Variants in TESK1 observed in about 807,000 individuals in gnomAD.
TESK1 encodes the protein dual specificity testis-specific protein kinase 1.
TESK1 carries 18 observed loss-of-function variants against 59.9 expected under a neutral mutation model. The observed-to-expected ratio is 0.30, with a 90% CI of 0.21 to 0.45. The LOEUF is 0.45. TESK1 is among the 20% of genes least tolerant of loss of function. The pLI, the probability that TESK1 is intolerant of heterozygous loss-of-function variation, is 1.00. For missense variants in TESK1, 748 were observed against 840.9 expected (o/e 0.89, Z 1.37); for synonymous variants, 341 against 357.4 (o/e 0.95, Z 0.52).
At position 35,605,858 on chromosome 9, in the gene TESK1, C is replaced by T. The variant is rs1459045940; in HGVS notation, c.219+20C>T. 2 of 1,608,420 alleles carry T rather than the reference C, an allele frequency of 1.2e-6. No homozygotes were observed. Among genetic ancestry groups the T allele is most frequent in the Non-Finnish European group, 1.7e-6 (2 of 1,177,428 alleles). ...TACAAGGTAGGACCGGCCGAGAGGG[C>T]AGAGGGGCGGGACCGAGCCTTCAAC... On this transcript the variant is annotated intron_variant, in intron 1 of 9. Coordinates refer to ENST00000336395, the MANE Select transcript of TESK1 (RefSeq NM_006285.3).
At position 35,607,023 on chromosome 9, in the gene TESK1, G is replaced by A. The variant is rs745781325; in HGVS notation, c.537+40G>A. 10 of 1,531,114 alleles carry A rather than the reference G, an allele frequency of 6.5e-6. No homozygotes were observed. The Admixed American group carries it at 2.1e-4, about 32-fold the overall frequency. The allele number at this position is 1,531,114 out of a possible 1,614,324, so 94.8% of individuals were successfully genotyped here. ...TGGGTGGAGACATGAAAGAGGGTTT[G>A]AGGCTATTAGGTTGTAACTGGCCTG... On this transcript the variant is annotated intron_variant, in intron 4 of 9. Transcript: ENST00000336395. This position sits in a 1 kb window ranked among gnomAD's most constrained non-coding sequence, Gnocchi z 4.5.
chr9:35,606,126 G>T (rs1563891076), intron 2 of TESK1, 21 bp downstream of exon 2: 1 of 1,614,088 alleles, frequency 6.2e-7, no homozygotes, highest in East Asian at 2.2e-5. Flanking sequence ...CCAGTCTCTG[G>T]GCAGCTTGCT....
chr9:35,609,729 G>C lies in TESK1; in HGVS notation c.1868G>C (p.Gly623Ala), dbSNP rs759848808. The change falls in exon 10 of 10, where the codon GGG becomes GCG. Residue 623 changes from glycine (G) to alanine (A), a missense_variant. Gly to Ala is a moderately conservative substitution (Grantham distance 60). Around this residue, in one of 3 missense-constraint regions of TESK1, gnomAD observed 447 missense variants for 466.1 expected, o/e 0.96. Coordinates refer to ENST00000336395, the MANE Select transcript of TESK1 (RefSeq NM_006285.3). The surrounding 1 kb of genome is among the most constrained non-coding windows in gnomAD (Gnocchi z 6.7). ...KPPTPSLQLP[G>A]ARS ...CCCACACCCAGCCTGCAGCTGCCTG[G>C]GGCACGCTCTTAGCAGTGGAGCCCG... The C allele has an allele frequency of 1.9e-6, 3 of 1,594,486 alleles. No homozygotes were observed. Among genetic ancestry groups the C allele is most frequent in the Non-Finnish European group, 8.5e-7 (1 of 1,176,930 alleles).
In TESK1 at chr9:35,607,585, G is replaced by A. The variant is rs1298297486; in HGVS notation, c.624G>A (p.Glu208=). 3 of 1,611,404 alleles carry A rather than the reference G, an allele frequency of 1.9e-6. No individual in the cohort carries two copies. The East Asian group carries it at 6.7e-5, about 36-fold the overall frequency. ...GLAEKIPVYR[E]GARKEPLAVV... is the part of the protein sequence containing the mutation. ...CACTCTGCCCCTGCCCCTGCAGGGA[G>A]GGGGCAAGGAAGGAGCCATTGGCCG... The change falls in exon 6 of 10, where the codon GAG becomes GAA. Residue 208 remains glutamate (E), a synonymous_variant. Transcript: ENST00000336395. The surrounding 1 kb of genome is among the most constrained non-coding windows in gnomAD (Gnocchi z 4.5).
At position 35,606,837 on chromosome 9, in the gene TESK1, T is replaced by C. The variant is rs1394737505; in HGVS notation, c.391T>C (p.Tyr131His). ...TTCCCATTCTCCTCCTATGCACCAG[T>C]ATATGAATGGGGGGACATTGGAACA... ...HQGQLHALTE[Y>H]MNGGTLEQLL... The change falls in exon 4 of 10, where the codon TAT becomes CAT. Residue 131 changes from tyrosine to histidine, a missense_variant and splice_region_variant. This residue lies in a region of TESK1 where 168 missense variants were observed against 257.4 expected (regional missense o/e 0.65). Coordinates refer to ENST00000336395, the MANE Select transcript of TESK1 (RefSeq NM_006285.3). The C allele has an allele frequency of 1.2e-6, 2 of 1,602,514 alleles. No individual in the cohort carries two copies. Among genetic ancestry groups the C allele is most frequent in the African/African-American group, 2.7e-5 (2 of 74,300 alleles).
rs1587894149 is a variant in TESK1 at position 35,605,306 on chromosome 9, C to T, written c.-314C>T. The T allele has an allele frequency of 1.3e-5, 2 of 148,206 alleles. No homozygotes were observed. The highest frequency in any genetic ancestry group is 1.8e-4 in the South Asian group (1 of 5,534). 9.2% of individuals were successfully genotyped at this position (148,206 alleles called of 1,614,324 possible). ...CTAAGCGGAGCAGCCGCCGCCCGCC[C>T]GCCCGCCCGCCTCCGCCCGCGGCAA... On this transcript the variant is annotated 5_prime_UTR_variant, in exon 1 of 10. Coordinates refer to ENST00000336395, the MANE Select transcript of TESK1 (RefSeq NM_006285.3).
chr9:35,608,433 C>G lies in TESK1; in HGVS notation c.924C>G (p.Thr308=), dbSNP rs762955311. ...PSTRAPFTEI[T]QHLEWILEQL... ...CCCGTGCCCCCTTCACCGAAATTAC[C>G]CAGCACCTGGAATGGATCCTGGAGC... Residue 308 remains threonine (T), a synonymous_variant, in exon 9 of 10, where the codon ACC becomes ACG. Transcript: ENST00000336395. The G allele has an allele frequency of 1.2e-6, 2 of 1,613,986 alleles. No homozygotes were observed. The highest frequency in any genetic ancestry group is 2.7e-5 in the African/African-American group (2 of 74,888).
intron 9 of TESK1, 100 bp from the exon 10 acceptor site, chr9:35,608,762 T>C (rs2131747295): frequency 7.0e-7 from 1 of 1,419,542 alleles, no homozygotes; most frequent in Non-Finnish European, 9.5e-7. Flanking sequence ...GACTCCCTTT[T>C]TCAAGCTCTA....
At position 35,609,401 on chromosome 9, in the gene TESK1, C is replaced by A; in HGVS notation, c.1540C>A (p.Leu514Ile). The change falls in exon 10 of 10, where the codon CTC (leucine) becomes ATC (isoleucine). Residue 514 changes from leucine to isoleucine, a missense_variant. Leu to Ile is a conservative substitution (Grantham distance 5). Coordinates refer to ENST00000336395, the MANE Select transcript of TESK1 (RefSeq NM_006285.3). The surrounding 1 kb of genome is among the most constrained non-coding windows in gnomAD (Gnocchi z 6.7). Reference protein sequence around the residue: ...QPWSPRSGPVLNNNPPAVVVN... With the variant: ...QPWSPRSGPVINNNPPAVVVN... Reference sequence around the variant, plus strand: ...CTGGTCCCCTAGATCAGGACCCGTCCTCAATAACAATCCCCCAGCTGTGGT... The same window carrying A: ...CTGGTCCCCTAGATCAGGACCCGTCATCAATAACAATCCCCCAGCTGTGGT... 6.2e-7 allele frequency: 1 copy of A among 1,609,206 alleles called. No homozygotes were observed. The highest frequency in any genetic ancestry group is 8.5e-7 in the Non-Finnish European group (1 of 1,177,468).
Position 35,606,305 on chromosome 9 carries a change from G to C in TESK1, c.390+20G>C. ...ACAGAGGTGAGGATAGGCCAGGAAG[G>C]AGGGATCCCCACCCCCCTTCACCCC... On this transcript the variant is annotated intron_variant, in intron 3 of 9. Transcript: ENST00000336395. 1 of 1,613,420 alleles carries C rather than the reference G, an allele frequency of 6.2e-7. No homozygotes were observed. The highest frequency in any genetic ancestry group is 8.5e-7 in the Non-Finnish European group (1 of 1,180,002).
At chr9:35,608,047 G>A (rs1587896180) in intron 7 of TESK1, 36 bp downstream of exon 7, 1 of 1,612,538 alleles carries the variant, frequency 6.2e-7, no homozygotes, top group Non-Finnish European at 8.5e-7. Context: ...AAGAATTCCA[G>A]ACTAGCTGGC....
At chr9:35,608,057 C>T (rs1465896003) in intron 7 of TESK1, 46 bp downstream of exon 7, 2 of 1,610,552 alleles carry the variant, frequency 1.2e-6, no homozygotes, top group African/African-American at 2.7e-5. Context: ...GACTAGCTGG[C>T]TCATAACCAA....
chr9:35,608,684 G>T lies in TESK1; in HGVS notation c.1000+175G>T, dbSNP rs187086597. Among the ~76,000 whole-genome samples, 204 of 152,260 alleles carry T rather than the reference G, an allele frequency of 1.3e-3. 1 individual carries two copies. The highest frequency in any genetic ancestry group is 2.4e-3 in the Non-Finnish European group (164 of 68,002). ...ACAGTTTCCTAATGCTAAAGCTTGA[G>T]GGAGAGGAGGGGAAAGAAGTAAAAG... On this transcript the variant is annotated intron_variant, in intron 9 of 9. Coordinates refer to ENST00000336395, the MANE Select transcript of TESK1 (RefSeq NM_006285.3).
rs1234426831 is a variant in TESK1, at chr9:35,605,706, G to C, written c.87G>C (p.Thr29=). 6.6e-7 allele frequency: 1 copy of C among 1,516,672 alleles called. No individual in the cohort carries two copies. Among genetic ancestry groups the C allele is most frequent in the Admixed American group, 2.3e-5 (1 of 43,984 alleles). The allele number at this position is 1,516,672 out of a possible 1,614,324, so 94.0% of individuals were successfully genotyped here. The change falls in exon 1 of 10, where the codon ACG becomes ACC. Residue 29 remains threonine (T), a synonymous_variant. Coordinates refer to ENST00000336395, the MANE Select transcript of TESK1 (RefSeq NM_006285.3). ...PGEGPPGPGG[T]GGGPGRGRPS... ...AGGGGCCCCCGGGGCCGGGGGGCAC[G>C]GGCGGAGGCCCGGGCCGGGGCCGCC...
Position 35,609,907 on chromosome 9 carries a change from C to A in TESK1, c.*165C>A. ...CAAGGGACAGAGCACTTCCAGTCGACCCCCCGGCTCGCGTTCCCGTGGGGA... is the reference window on the plus strand; with the variant it reads ...CAAGGGACAGAGCACTTCCAGTCGAACCCCCGGCTCGCGTTCCCGTGGGGA... On this transcript the variant is annotated 3_prime_UTR_variant, in exon 10 of 10. Coordinates refer to ENST00000336395, the MANE Select transcript of TESK1 (RefSeq NM_006285.3). This position sits in a 1 kb window ranked among gnomAD's most constrained non-coding sequence, Gnocchi z 6.7. 1 of 788,724 alleles carries A rather than the reference C, an allele frequency of 1.3e-6. No individual in the cohort carries two copies. Among genetic ancestry groups the A allele is most frequent in the Non-Finnish European group, 1.9e-6 (1 of 526,142 alleles). 48.9% of individuals were successfully genotyped at this position (788,724 alleles called of 1,614,324 possible).
Position 35,609,016 on chromosome 9 carries a change from A to C in TESK1, c.1155A>C (p.Glu385Asp). The C allele has an allele frequency of 6.2e-7, 1 of 1,614,194 alleles. No homozygotes were observed. The highest frequency in any genetic ancestry group is 8.5e-7 in the Non-Finnish European group (1 of 1,180,034). ...GAGTCAACCCCTTCTCACTACGGGAAGACCTCAGGGGTGGCAAGATCAAGC... is the reference window on the plus strand; with the variant it reads ...GAGTCAACCCCTTCTCACTACGGGACGACCTCAGGGGTGGCAAGATCAAGC... ...LTRVNPFSLR[E>D]DLRGGKIKLL... The change falls in exon 10 of 10, where the codon GAA becomes GAC. Residue 385 changes from glutamate (E) to aspartate (D), a missense_variant. Physicochemically the swap from Glu to Asp is conservative, Grantham distance 45. This residue lies in a region of TESK1 where 447 missense variants were observed against 466.1 expected (regional missense o/e 0.96). Transcript: ENST00000336395. The surrounding 1 kb of genome is among the most constrained non-coding windows in gnomAD (Gnocchi z 6.7).
chr9:35,608,021 T>C lies in TESK1; in HGVS notation c.795+10T>C. The C allele has an allele frequency of 6.2e-7, 1 of 1,614,052 alleles. No individual in the cohort carries two copies. The highest frequency in any genetic ancestry group is 1.3e-5 in the African/African-American group (1 of 75,038). On this transcript the variant is annotated intron_variant, in intron 7 of 9. Coordinates refer to ENST00000336395, the MANE Select transcript of TESK1 (RefSeq NM_006285.3). ...CCTACCACGCACTGAGGTGAATGTT[T>C]CTAGGTTTGCAAAGAAAGAATTCCA...
At position 35,607,969 on chromosome 9, in the gene TESK1, C is replaced by G. The variant is rs762402261; in HGVS notation, c.753C>G (p.Ile251Met). Reference protein sequence around the residue: ...FAFGIVLCELIARVPADPDYL... With the variant: ...FAFGIVLCELMARVPADPDYL... Reference sequence around the variant, plus strand: ...TCGGGATTGTCCTCTGTGAGCTCATCGCCCGAGTACCTGCAGACCCTGACT... The same window carrying G: ...TCGGGATTGTCCTCTGTGAGCTCATGGCCCGAGTACCTGCAGACCCTGACT... Residue 251 changes from isoleucine (I) to methionine (M), a missense_variant, in exon 7 of 10, where the codon ATC becomes ATG. Physicochemically the swap from Ile to Met is conservative, Grantham distance 10. Transcript: ENST00000336395. The surrounding 1 kb of genome is among the most constrained non-coding windows in gnomAD (Gnocchi z 4.5). 2 of 1,614,178 alleles carry G rather than the reference C, an allele frequency of 1.2e-6. No homozygotes were observed. The highest frequency in any genetic ancestry group is 2.2e-5 in the South Asian group (2 of 91,078).
intron 9 of TESK1, 106 bp from the exon 10 acceptor site, chr9:35,608,755 TC>T: frequency 7.4e-7 from 1 of 1,344,126 alleles, no homozygotes; most frequent in South Asian, 1.4e-5. Context: ...CAGGTGGGAC[TC>T]CCTTTTTCAA....
Sources: gnomAD v4.1 joint callset for allele counts (sites outside exome capture counted in the v4.1 genomes callset) on GRCh38, gnomAD v4.1.1 for gene constraint, gnomAD v4.1.1 regional missense constraint, Gnocchi (gnomAD v3.1) non-coding constraint, MANE v1.5 for transcripts, NCBI Gene and HGNC (gene_info 2026-07-23, HGNC 2026-07-21) for gene names.